The following MED26 variants were observed in gnomAD, a reference collection of about 807,000 sequenced individuals.
The protein encoded by MED26 is mediator of RNA polymerase II transcription subunit 26.
MED26 carries 7 observed loss-of-function variants against 43.7 expected under a neutral mutation model. The observed-to-expected ratio is 0.16, with a 90% confidence interval of 0.09 to 0.30. The LOEUF (loss-of-function observed/expected upper bound fraction) is 0.30. Ranked by LOEUF, MED26 falls within the 10% of genes least tolerant of loss-of-function variation. The pLI, the probability that MED26 is intolerant of heterozygous loss-of-function variation, is 1.00. For missense variants in MED26, 784 were observed against 840.6 expected (o/e 0.93, Z 0.83); for synonymous variants, 375 against 371.1 (o/e 1.01, Z -0.12).
chr19:16,617,691 G>A lies in MED26; in HGVS notation c.72+10181C>T, dbSNP rs533934551. ...TTTAGAGGAAGGAAAAAGCTGGGGA[G>A]CAAATGCGGAGGAGCTCACAGGAGA... On this transcript the variant is annotated intron_variant, in intron 1 of 2. Coordinates refer to ENST00000263390, the MANE Select transcript of MED26 (RefSeq NM_004831.5). Among the ~76,000 whole-genome samples the A allele has an allele frequency of 9.2e-5, 14 of 152,324 alleles. No homozygotes were observed. In the East Asian group the frequency reaches 2.7e-3, roughly 29 times the overall value.
rs1290444347 is a variant in MED26, at chr19:16,586,287, G to A, written c.73-7878C>T. On this transcript the variant is annotated intron_variant, in intron 1 of 2. Coordinates refer to ENST00000263390, the MANE Select transcript of MED26 (RefSeq NM_004831.5). The surrounding 1 kb of genome is among the most constrained non-coding windows in gnomAD (Gnocchi z 5.1). ...CGCACTCTACAGATAAGGTAACTGA[G>A]GGCCAGGAAGGTAATGGAGGTCCCG... is the stretch of plus-strand genomic sequence containing the variant. Among the ~76,000 whole-genome samples the A allele has an allele frequency of 1.3e-5, 2 of 152,228 alleles. No individual in the cohort carries two copies. Among genetic ancestry groups the A allele is most frequent in the East Asian group, 1.9e-4 (1 of 5,200 alleles).
chr19:16,597,956 C>G (rs1283445198), intron 1 of MED26, among the ~76,000 whole-genome samples: 3 of 152,046 alleles, frequency 2.0e-5, no homozygotes, highest in African/African-American at 7.2e-5. Flanking sequence ...AACTCCTGAC[C>G]TCAGATGATT....
chr19:16,603,305 T>G (rs914435482), intron 1 of MED26, among the ~76,000 whole-genome samples: 1 of 152,106 alleles, frequency 6.6e-6, no homozygotes, highest in Non-Finnish European at 1.5e-5. Context: ...CTTGTGGGAC[T>G]GTGGGAGGGA....
At chr19:16,621,570 A>T (rs2086251686) in intron 1 of MED26, among the ~76,000 whole-genome samples, 1 of 152,156 alleles carries the variant, frequency 6.6e-6, no homozygotes, top group Non-Finnish European at 1.5e-5. Context: ...AATCCTTGGG[A>T]TGTGAGTTCC....
chr19:16,594,635 C>T (rs181564213), intron 1 of MED26, among the ~76,000 whole-genome samples: 156 of 152,216 alleles, frequency 1.0e-3, no homozygotes, highest in African/African-American at 3.7e-3. Context: ...TTTTTCACCA[C>T]GGTGAAGATG....
chr19:16,625,976 A>G (rs1283098854), intron 1 of MED26, among the ~76,000 whole-genome samples: 4 of 152,230 alleles, frequency 2.6e-5, no homozygotes, highest in Admixed American at 1.3e-4. Context: ...TGCAAATTCC[A>G]TGCCAGCTAA....
chr19:16,577,030 C>G lies in MED26; in HGVS notation c.800G>C (p.Gly267Ala). 1 of 1,608,860 alleles carries G rather than the reference C, an allele frequency of 6.2e-7. No homozygotes were observed. The highest frequency in any genetic ancestry group is 8.5e-7 in the Non-Finnish European group (1 of 1,176,486). ...DETPGPPHPK[G>A]PPRCSFSPRN... Reference sequence around the variant, plus strand: ...AGGACTGAAAGAGCAGCGAGGGGGTCCCTTGGGATGGGGAGGCCCCGGAGT... The same window carrying G: ...AGGACTGAAAGAGCAGCGAGGGGGTGCCTTGGGATGGGGAGGCCCCGGAGT... The change falls in exon 3 of 3, where the codon GGA becomes GCA. Residue 267 changes from glycine (G) to alanine (A), a missense_variant. By Grantham distance (60) the Gly-to-Ala change is moderately conservative. This residue lies in a region of MED26 where 719 missense variants were observed against 730.9 expected (regional missense o/e 0.98). Transcript: ENST00000263390. The surrounding 1 kb of genome is among the most constrained non-coding windows in gnomAD (Gnocchi z 8.1).
At chr19:16,579,214 A>T (rs2086030973) in intron 1 of MED26, among the ~76,000 whole-genome samples, 1 of 152,222 alleles carries the variant, frequency 6.6e-6, no homozygotes, top group African/African-American at 2.4e-5. Context: ...GCCCCCAAGG[A>T]GCTGTATCTG....
intron 1 of MED26, among the ~76,000 whole-genome samples, chr19:16,606,450 G>T (rs990825962): frequency 3.9e-5 from 6 of 152,316 alleles, no homozygotes; most frequent in African/African-American, 1.4e-4. Context: ...TACTCAAGAG[G>T]ATGAGGCAGA....
intron 1 of MED26, among the ~76,000 whole-genome samples, chr19:16,597,776 A>AGT (rs1476710375): frequency 6.6e-6 from 1 of 152,146 alleles, no homozygotes; most frequent in Non-Finnish European, 1.5e-5. Context: ...TATGGAGCGC[A>AGT]GTGGCATGTG....
chr19:16,613,235 C>T (rs948024177), intron 1 of MED26, among the ~76,000 whole-genome samples: 3 of 152,190 alleles, frequency 2.0e-5, no homozygotes, highest in Non-Finnish European at 4.4e-5. Context: ...TTCTTTCTTT[C>T]CATCTTTCTT....
intron 1 of MED26, among the ~76,000 whole-genome samples, chr19:16,578,974 G>A (rs1435762308): frequency 4.6e-5 from 7 of 152,102 alleles, no homozygotes; most frequent in Admixed American, 3.3e-4. Context: ...GCTGGCATGC[G>A]CCTGTAGTTC....
chr19:16,604,571 T>C (rs1465384970), intron 1 of MED26, among the ~76,000 whole-genome samples: 2 of 152,182 alleles, frequency 1.3e-5, no homozygotes, highest in African/African-American at 4.8e-5. Context: ...TCAAAGACCA[T>C]GAGCCACCTA....
In MED26 at chr19:16,590,119, C is replaced by T. The variant is rs1411321563; in HGVS notation, c.73-11710G>A. ...GCAGGAGTACTCAACAGATGAGTGTCCCCAGGAAGAAGTGAGCACTAATGC... is the reference window on the plus strand; with the variant it reads ...GCAGGAGTACTCAACAGATGAGTGTTCCCAGGAAGAAGTGAGCACTAATGC... On this transcript the variant is annotated intron_variant, in intron 1 of 2. Coordinates refer to ENST00000263390, the MANE Select transcript of MED26 (RefSeq NM_004831.5). Among the ~76,000 whole-genome samples the T allele has an allele frequency of 2.0e-5, 3 of 152,226 alleles. No homozygotes were observed. In the East Asian group the frequency reaches 5.8e-4, roughly 29 times the overall value.
intron 1 of MED26, among the ~76,000 whole-genome samples, chr19:16,609,696 A>C (rs2122437462): frequency 1.3e-5 from 2 of 152,254 alleles, no homozygotes; most frequent in South Asian, 4.1e-4. Context: ...ATGAAACTAA[A>C]GTCCATTTGC....
chr19:16,617,133 C>T (rs1381421279), intron 1 of MED26, among the ~76,000 whole-genome samples: 1 of 152,154 alleles, frequency 6.6e-6, no homozygotes, highest in Non-Finnish European at 1.5e-5. Flanking sequence ...CTCGGTCACA[C>T]CCCTAACTCC....
chr19:16,581,863 T>C (rs1380956225), intron 1 of MED26, among the ~76,000 whole-genome samples: 1 of 152,372 alleles, frequency 6.6e-6, no homozygotes, highest in Admixed American at 6.5e-5. Context: ...AGGGAAATGC[T>C]ACAGCCTTGG....
chr19:16,579,675 A>G (rs1347858884), intron 1 of MED26, among the ~76,000 whole-genome samples: 1 of 152,188 alleles, frequency 6.6e-6, no homozygotes, highest in Non-Finnish European at 1.5e-5. Context: ...CCCTGAGGAA[A>G]CCACAGTGAG....
chr19:16,589,548 T>C (rs2086086787), intron 1 of MED26: 1 of 152,020 alleles, frequency 6.6e-6, no homozygotes, highest in Admixed American at 6.6e-5. Flanking sequence ...TGTCCTGGAT[T>C]AAAAGGTCAA....
Sources: allele counts gnomAD v4.1 joint callset (sites outside exome capture counted in the v4.1 genomes callset), GRCh38; gene constraint gnomAD v4.1.1; regional missense constraint gnomAD v4.1.1; non-coding constraint Gnocchi (gnomAD v3.1); transcripts MANE v1.5; gene names NCBI Gene and HGNC (gene_info 2026-07-23, HGNC 2026-07-21).